GNAI3: variants seen among roughly 807,000 people sequenced by gnomAD.
GNAI3 encodes the protein guanine nucleotide-binding protein G(i) subunit alpha-3.
In GNAI3, 12 loss-of-function variants were observed where a neutral mutation model predicts 41.8. The ratio of observed to expected loss-of-function variants is 0.29; its 90% CI spans 0.18 to 0.47. The LOEUF is 0.47. Among genes scored for constraint, GNAI3 ranks in the 20% least tolerant of loss-of-function variants. The pLI is 1.00. For synonymous variants in GNAI3, 132 were observed against 146.5 expected, an observed-to-expected ratio of 0.90 and a Z score of 0.71; for missense variants, 360 against 429.6, an observed-to-expected ratio of 0.84 and a Z score of 1.43.
chr1:109,582,450 C>T lies in GNAI3; in HGVS notation c.475C>T (p.Leu159=). ...NDSASYYLND[L]DRISQSNYIP... is the part of the protein sequence containing the mutation. ...TCTTTTATTTAGTTATCTAAATGAT[C>T]TGGATAGAATATCCCAGTCTAACTA... Residue 159 remains leucine (L), a synonymous_variant, in exon 5 of 9, where the codon CTG becomes TTG. Coordinates refer to ENST00000369851, the MANE Select transcript of GNAI3 (RefSeq NM_006496.4). The T allele has an allele frequency of 6.2e-7, 1 of 1,606,780 alleles. No individual in the cohort carries two copies. The highest frequency in any genetic ancestry group is 8.5e-7 in the Non-Finnish European group (1 of 1,173,458).
chr1:109,586,711 C>T lies in GNAI3; in HGVS notation c.721-18C>T, dbSNP rs1375288693. 6.4e-7 allele frequency: 1 copy of T among 1,568,750 alleles called. No individual in the cohort carries two copies. Among genetic ancestry groups the T allele is most frequent in the South Asian group, 1.1e-5 (1 of 88,248 alleles). ...TTACTATTTGCTACTGACCTATCAT[C>T]CTTTATTTCTTTTTCAGAACCGAAT... On this transcript the variant is annotated intron_variant, in intron 6 of 8. Coordinates refer to ENST00000369851, the MANE Select transcript of GNAI3 (RefSeq NM_006496.4).
chr1:109,562,687 G>A (rs1018425817), intron 1 of GNAI3, among the ~76,000 whole-genome samples: 2 of 152,120 alleles, frequency 1.3e-5, no homozygotes, highest in Non-Finnish European at 2.9e-5. Flanking sequence ...TTTGCTGTTG[G>A]TGAATTTTAA....
At chr1:109,574,422 A>G (rs1446155939) in intron 3 of GNAI3, among the ~76,000 whole-genome samples, 1 of 152,114 alleles carries the variant, frequency 6.6e-6, no homozygotes, top group Non-Finnish European at 1.5e-5. Flanking sequence ...AAAGGCCAAA[A>G]TCAGTCTCCC....
intron 1 of GNAI3, among the ~76,000 whole-genome samples, chr1:109,560,465 A>T (rs528302734): frequency 6.6e-6 from 1 of 152,084 alleles, no homozygotes. Flanking sequence ...CATGCACTCT[A>T]TATATTTTAA....
At chr1:109,573,592 A>T (rs1648662586) in intron 1 of GNAI3, 145 bp from the exon 2 acceptor site, 1 of 640,968 alleles carries the variant, frequency 1.6e-6, no homozygotes, top group African/African-American at 1.8e-5. Context: ...GAAGCTCCAT[A>T]CATTTTCTTG....
intron 1 of GNAI3, among the ~76,000 whole-genome samples, chr1:109,560,746 T>C (rs1432915646): frequency 6.6e-6 from 1 of 152,188 alleles, no homozygotes; most frequent in Non-Finnish European, 1.5e-5. Context: ...ATGAGGTCTC[T>C]CTACAGTGCC....
chr1:109,553,105 G>A (rs1648033667), intron 1 of GNAI3, among the ~76,000 whole-genome samples: 1 of 152,004 alleles, frequency 6.6e-6, no homozygotes, highest in African/African-American at 2.4e-5. Flanking sequence ...TACCATTTTA[G>A]CTACTTTTTT....
At chr1:109,555,456 G>C (rs1406950378) in intron 1 of GNAI3, among the ~76,000 whole-genome samples, 1 of 152,130 alleles carries the variant, frequency 6.6e-6, no homozygotes, top group Non-Finnish European at 1.5e-5. Context: ...TCCACAAATG[G>C]TGCTGGGATA....
intron 1 of GNAI3, among the ~76,000 whole-genome samples, chr1:109,560,312 A>G (rs1050879692): frequency 6.6e-6 from 1 of 152,224 alleles, no homozygotes; most frequent in African/African-American, 2.4e-5. Context: ...TATATCTCAA[A>G]GAATTCTTAT....
intron 7 of GNAI3, among the ~76,000 whole-genome samples, chr1:109,589,317 C>T (rs1220968927): frequency 6.6e-6 from 1 of 152,138 alleles, no homozygotes; most frequent in Non-Finnish European, 1.5e-5. Flanking sequence ...AAGTAAGATA[C>T]ATACTGAAAA....
Position 109,598,371 on chromosome 1 carries a change from T to A in GNAI3, c.*6049T>A, listed in dbSNP as rs868787722. 6.6e-6 allele frequency: 1 copy of A among 152,578 alleles called. No individual in the cohort carries two copies. The highest frequency in any genetic ancestry group is 1.5e-5 in the Non-Finnish European group (1 of 68,318). 9.5% of individuals were successfully genotyped at this position (152,578 alleles called of 1,614,324 possible). On this transcript the variant is annotated 3_prime_UTR_variant, in exon 9 of 9. Coordinates refer to ENST00000369851, the MANE Select transcript of GNAI3 (RefSeq NM_006496.4). ...GCTTCCAACCAGCTATGGAATCTTG[T>A]GTATTCTTTCAGTCTTAAATCACTC...
At position 109,599,037 on chromosome 1, in the gene GNAI3, G is replaced by A. The variant is rs745654682; in HGVS notation, c.*6715G>A. On this transcript the variant is annotated 3_prime_UTR_variant, in exon 9 of 9. Transcript: ENST00000369851. Reference sequence around the variant, plus strand: ...TTGAATGCTGTTATGTCTCACCGTGGGGATGGGAAGGAATACTCTGTTTTG... The same window carrying A: ...TTGAATGCTGTTATGTCTCACCGTGAGGATGGGAAGGAATACTCTGTTTTG... 1.9e-6 allele frequency: 1 copy of A among 515,370 alleles called. No individual in the cohort carries two copies. Among genetic ancestry groups the A allele is most frequent in the Non-Finnish European group, 4.1e-6 (1 of 245,218 alleles). 31.9% of individuals were successfully genotyped at this position (515,370 alleles called of 1,614,324 possible).
chr1:109,562,336 A>G (rs941063113), intron 1 of GNAI3, among the ~76,000 whole-genome samples: 3 of 152,178 alleles, frequency 2.0e-5, no homozygotes, highest in African/African-American at 7.2e-5. Flanking sequence ...ATATGAAAAT[A>G]CTACACCATT....
At chr1:109,551,132 A>T (rs1034039145) in intron 1 of GNAI3, among the ~76,000 whole-genome samples, 4 of 152,250 alleles carry the variant, frequency 2.6e-5, no homozygotes, top group Non-Finnish European at 5.9e-5. Context: ...AGTAAAAATC[A>T]AAGTACTAAA....
chr1:109,566,625 G>A (rs776328006), intron 1 of GNAI3, among the ~76,000 whole-genome samples: 1 of 152,018 alleles, frequency 6.6e-6, no homozygotes, highest in Non-Finnish European at 1.5e-5. Context: ...GCAATGGCGC[G>A]GTCTTTGCTC....
chr1:109,552,101 G>C (rs1647995047), intron 1 of GNAI3, among the ~76,000 whole-genome samples: 1 of 151,934 alleles, frequency 6.6e-6, no homozygotes, highest in Admixed American at 6.6e-5. Context: ...GGTGGAGGTT[G>C]CAGTGAGCAG....
intron 1 of GNAI3, among the ~76,000 whole-genome samples, chr1:109,564,578 C>T (rs1648402162): frequency 6.6e-6 from 1 of 151,972 alleles, no homozygotes; most frequent in Admixed American, 6.6e-5. Flanking sequence ...GGTTTTTTTC[C>T]ACATGTATCT....
intron 1 of GNAI3, among the ~76,000 whole-genome samples, chr1:109,559,434 T>C (rs1648250221): frequency 6.6e-6 from 1 of 152,164 alleles, no homozygotes. Context: ...TTTCCTTTCT[T>C]TTTACCACTG....
At position 109,599,047 on chromosome 1, in the gene GNAI3, G is replaced by A. The variant is rs773093461; in HGVS notation, c.*6725G>A. On this transcript the variant is annotated 3_prime_UTR_variant, in exon 9 of 9. Coordinates refer to ENST00000369851, the MANE Select transcript of GNAI3 (RefSeq NM_006496.4). ...TTATGTCTCACCGTGGGGATGGGAA[G>A]GAATACTCTGTTTTGGACTATTTGG... is the stretch of plus-strand genomic sequence containing the variant. 4.0e-6 allele frequency: 2 copies of A among 504,178 alleles called. No individual in the cohort carries two copies. The highest frequency in any genetic ancestry group is 3.3e-4 in the Middle Eastern group (1 of 3,036). 31.2% of individuals were successfully genotyped at this position (504,178 alleles called of 1,614,324 possible).
Sources: gnomAD v4.1 joint callset for allele counts (sites outside exome capture counted in the v4.1 genomes callset) on GRCh38, gnomAD v4.1.1 for gene constraint, MANE v1.5 for transcripts, NCBI Gene and HGNC (gene_info 2026-07-23, HGNC 2026-07-21) for gene names.